NBAS: variants seen among roughly 807,000 people sequenced by gnomAD.
NBAS encodes NAG/BC035112 fusion.
NBAS carries 219 observed loss-of-function variants against 302.5 expected under a neutral mutation model. That is an observed-to-expected ratio of 0.72 (90% CI 0.65 to 0.81). The LOEUF (loss-of-function observed/expected upper bound fraction) is 0.81. Ranked by LOEUF, NBAS falls within the 30% of genes least tolerant of loss-of-function variation. NBAS has a pLI of 0.00. For synonymous variants in NBAS, 1,118 were observed against 1,021.6 expected, an observed-to-expected ratio of 1.09 and a Z score of -1.80; for missense variants, 2,932 against 2,841.6, an observed-to-expected ratio of 1.03 and a Z score of -0.72.
At chr2:15,467,629 AG>A in intron 18 of NBAS, 34 bp downstream of exon 18, 1 of 1,588,420 alleles carries the variant, frequency 6.3e-7, no homozygotes, top group South Asian at 1.1e-5. Flanking sequence ...GTTATTTTAA[AG>A]AAACTATCAA....
At chr2:15,140,051 C>G in the NBAS span, among the ~76,000 whole-genome samples, 1 of 152,170 alleles carries the variant, frequency 6.6e-6, no homozygotes, top group South Asian at 2.1e-4. Flanking sequence ...AAAGGTGACA[C>G]AACTTCTGCC....
chr2:15,199,383 C>A (rs1210298734), intron 48 of NBAS, among the ~76,000 whole-genome samples: 1 of 151,888 alleles, frequency 6.6e-6, no homozygotes, highest in Non-Finnish European at 1.5e-5. Context: ...TGGATGTGGA[C>A]CTAGAAAAGA....
chr2:15,545,330 A>T (rs1306793040), intron 6 of NBAS, among the ~76,000 whole-genome samples: 2 of 152,230 alleles, frequency 1.3e-5, no homozygotes, highest in Non-Finnish European at 2.9e-5. Flanking sequence ...ACTATTAATA[A>T]GGGCAAAAAT....
chr2:14,807,987 T>C, the NBAS span, among the ~76,000 whole-genome samples: 1 of 152,224 alleles, frequency 6.6e-6, no homozygotes, highest in Non-Finnish European at 1.5e-5. Context: ...TATTCATATA[T>C]TGTTTTACAG....
chr2:15,174,519 G>T (rs1237146627), intron 51 of NBAS, among the ~76,000 whole-genome samples: 1 of 152,200 alleles, frequency 6.6e-6, no homozygotes, highest in African/African-American at 2.4e-5. Flanking sequence ...CCCCTGCAGT[G>T]TTCAGCTGGA....
intron 12 of NBAS, among the ~76,000 whole-genome samples, chr2:15,479,021 T>C (rs191830545): frequency 6.6e-5 from 10 of 152,296 alleles, no homozygotes; most frequent in Admixed American, 5.9e-4. Context: ...AAAGCGTTGC[T>C]ATACTTAAGT....
At chr2:15,521,428 G>A (rs926359639) in intron 9 of NBAS, among the ~76,000 whole-genome samples, 5 of 152,084 alleles carry the variant, frequency 3.3e-5, no homozygotes, top group Non-Finnish European at 7.4e-5. Flanking sequence ...TCCAAAGTCA[G>A]GCTTTCATTT....
At chr2:14,878,203 CT>C in the NBAS span, among the ~76,000 whole-genome samples, 4 of 152,138 alleles carry the variant, frequency 2.6e-5, no homozygotes, top group Non-Finnish European at 5.9e-5. Flanking sequence ...GGCAAACAGA[CT>C]TTAAGATGAG....
At chr2:14,966,016 A>G in the NBAS span, among the ~76,000 whole-genome samples, 14 of 152,320 alleles carry the variant, frequency 9.2e-5, no homozygotes, top group African/African-American at 3.1e-4. Context: ...AGAGATAAAG[A>G]GACACAAGAA....
rs78778139 is a variant in NBAS, at chr2:15,192,839, C to G, written c.6433-2436G>C. Among the ~76,000 whole-genome samples, 198 of 152,246 alleles carry G rather than the reference C, an allele frequency of 1.3e-3. 2 individuals are homozygous for G. The East Asian group carries it at 0.023, about 18-fold the overall frequency. On this transcript the variant is annotated intron_variant, in intron 48 of 51. Coordinates refer to ENST00000281513, the MANE Select transcript of NBAS (RefSeq NM_015909.4). ...CAGCATAGTTAGTAACAAGTAGTTT[C>G]TCCTTTTTATCAAATGTACACTTTA...
At chr2:15,501,129 A>G (rs999944966) in intron 11 of NBAS, among the ~76,000 whole-genome samples, 6 of 151,130 alleles carry the variant, frequency 4.0e-5, no homozygotes, top group South Asian at 2.1e-4. Flanking sequence ...GTGAAACCTC[A>G]TATCTACTAA....
At chr2:15,472,573 T>C (rs557683439) in intron 16 of NBAS, among the ~76,000 whole-genome samples, 45 of 152,184 alleles carry the variant, frequency 3.0e-4, no homozygotes, top group Non-Finnish European at 8.8e-5. Flanking sequence ...CAACCTCAGC[T>C]CACTGGCCCC....
the NBAS span, among the ~76,000 whole-genome samples, chr2:14,985,279 A>C: frequency 6.6e-6 from 1 of 152,206 alleles, no homozygotes; most frequent in Non-Finnish European, 1.5e-5. Flanking sequence ...AAGAGAAAAC[A>C]CTGTCATCCA....
the NBAS span, among the ~76,000 whole-genome samples, chr2:14,966,998 T>C: frequency 3.3e-5 from 5 of 152,144 alleles, no homozygotes; most frequent in Non-Finnish European, 7.4e-5. Context: ...TATACACTAA[T>C]AAAAATCATG....
the NBAS span, among the ~76,000 whole-genome samples, chr2:15,097,666 T>G: frequency 2.0e-5 from 3 of 151,220 alleles, no homozygotes; most frequent in Non-Finnish European, 2.9e-5. Context: ...GGGGCCCCTT[T>G]TATGAGGACA....
At chr2:15,232,726 C>T (rs1667432099) in intron 46 of NBAS, among the ~76,000 whole-genome samples, 1 of 152,184 alleles carries the variant, frequency 6.6e-6, no homozygotes, top group Admixed American at 6.5e-5. Flanking sequence ...GTCTAATATA[C>T]ACATGTTTTC....
intron 44 of NBAS, among the ~76,000 whole-genome samples, chr2:15,244,222 A>G (rs1667988076): frequency 6.6e-6 from 1 of 152,182 alleles, no homozygotes; most frequent in Non-Finnish European, 1.5e-5. Flanking sequence ...TGAGATAGTG[A>G]TGCTGCCCAA....
At chr2:14,859,474 G>C in the NBAS span, among the ~76,000 whole-genome samples, 1 of 151,918 alleles carries the variant, frequency 6.6e-6, no homozygotes, top group African/African-American at 2.4e-5. Flanking sequence ...AATCAGTATG[G>C]AACTGACATT....
At chr2:15,197,394 GTTTC>G (rs1416991089) in intron 48 of NBAS, among the ~76,000 whole-genome samples, 8 of 152,156 alleles carry the variant, frequency 5.3e-5, no homozygotes, top group African/African-American at 1.9e-4. Context: ...CTAGGTCTGA[GTTTC>G]TTTATCTGTA....
Sources: gnomAD v4.1 joint callset for allele counts (sites outside exome capture counted in the v4.1 genomes callset) on GRCh38, gnomAD v4.1.1 for gene constraint, MANE v1.5 for transcripts, NCBI Gene and HGNC (gene_info 2026-07-23, HGNC 2026-07-21) for gene names.